Variants in EPHA4 observed in about 807,000 individuals in gnomAD.
The protein encoded by EPHA4 is ephrin type-A receptor 4.
In EPHA4, 19 loss-of-function variants were observed where a neutral mutation model predicts 108.3. The observed-to-expected ratio is 0.18, with a 90% confidence interval of 0.12 to 0.26. The LOEUF is 0.26. Among genes scored for constraint, EPHA4 ranks in the 10% least tolerant of loss-of-function variants. The pLI is 1.00. For missense variants in EPHA4, 917 were observed against 1,254.0 expected (o/e 0.73, Z 4.06); for synonymous variants, 449 against 455.5 (o/e 0.99, Z 0.18).
chr2:221,479,938 G>C (rs1691767393), intron 5 of EPHA4, among the ~76,000 whole-genome samples: 1 of 152,116 alleles, frequency 6.6e-6, no homozygotes. Flanking sequence ...TCCTTGGCAG[G>C]ACTACATGCC....
intron 3 of EPHA4, among the ~76,000 whole-genome samples, chr2:221,501,997 A>G (rs896691902): frequency 6.6e-6 from 1 of 152,066 alleles, no homozygotes; most frequent in Non-Finnish European, 1.5e-5. Context: ...CCTGCAATGC[A>G]CACACCTCCC....
intron 3 of EPHA4, among the ~76,000 whole-genome samples, chr2:221,514,015 TC>T (rs1692916417): frequency 6.6e-6 from 1 of 151,886 alleles, no homozygotes. Context: ...ACGATGATCT[TC>T]CTCTTAAAAG....
At chr2:221,480,439 C>T (rs1411093187) in intron 5 of EPHA4, among the ~76,000 whole-genome samples, 2 of 152,160 alleles carry the variant, frequency 1.3e-5, no homozygotes, top group African/African-American at 4.8e-5. Flanking sequence ...GTGCAGAAAT[C>T]GTTCTGCATT....
chr2:221,551,159 G>A (rs1291586690), intron 3 of EPHA4, among the ~76,000 whole-genome samples: 2 of 152,014 alleles, frequency 1.3e-5, no homozygotes, highest in Admixed American at 6.5e-5. Context: ...ATATATGATT[G>A]TTTGCAATGG....
intron 6 of EPHA4, 62 bp downstream of exon 6, chr2:221,457,804 G>T (rs1691006835): frequency 6.4e-7 from 1 of 1,574,278 alleles, no homozygotes; most frequent in African/African-American, 1.4e-5. Flanking sequence ...AAGGAAAGAA[G>T]AAAACAAAGA....
At chr2:221,501,853 A>C (rs916771926) in intron 3 of EPHA4, among the ~76,000 whole-genome samples, 2 of 152,208 alleles carry the variant, frequency 1.3e-5, no homozygotes, top group African/African-American at 4.8e-5. Context: ...GTGAAATAAC[A>C]AAAACTATCA....
intron 3 of EPHA4, among the ~76,000 whole-genome samples, chr2:221,512,505 GC>G (rs1428037015): frequency 6.6e-6 from 1 of 152,156 alleles, no homozygotes; most frequent in Non-Finnish European, 1.5e-5. Flanking sequence ...AGAGGATCAA[GC>G]TTTTTGATGA....
At chr2:221,455,426 T>C (rs773950848) in intron 8 of EPHA4, 121 bp downstream of exon 8, 3 of 726,110 alleles carry the variant, frequency 4.1e-6, no homozygotes, top group Non-Finnish European at 7.0e-6. Flanking sequence ...GGAGGAAACT[T>C]GGGATGCAGA....
rs561760006 is a variant in EPHA4 at position 221,455,876 on chromosome 2, C to G, written c.1604-218G>C. ...TTCAAAAGCCACTTCCTCCTTGTAC[C>G]CTTGCTGGATAATTTCAAAGGATGT... On this transcript the variant is annotated intron_variant, in intron 7 of 17. Coordinates refer to ENST00000281821, the MANE Select transcript of EPHA4 (RefSeq NM_004438.5). 1.4e-4 allele frequency among the ~76,000 whole-genome samples: 21 copies of G among 152,108 alleles called. 1 individual carries two copies. The South Asian group carries it at 4.2e-3, about 30-fold the overall frequency.
upstream of EPHA4, chr2:221,572,645 A>C (rs7582063): frequency 0.079 from 12,571 of 159,852 alleles, 1,677 homozygotes; most frequent in African/African-American, 0.28. Context: ...AAGAGGTTGG[A>C]AACCTTTTCT....
chr2:221,534,949 G>A (rs1323335833), intron 3 of EPHA4, among the ~76,000 whole-genome samples: 1 of 152,170 alleles, frequency 6.6e-6, no homozygotes, highest in Non-Finnish European at 1.5e-5. Context: ...GTGCTATACT[G>A]GCTAATTTCT....
intron 4 of EPHA4, among the ~76,000 whole-genome samples, chr2:221,496,689 C>A (rs959964726): frequency 6.6e-6 from 1 of 152,140 alleles, no homozygotes; most frequent in Non-Finnish European, 1.5e-5. Context: ...GGGTGGATCA[C>A]CTGAGGTCCG....
chr2:221,461,588 C>T (rs996465942), intron 5 of EPHA4, among the ~76,000 whole-genome samples: 43 of 152,122 alleles, frequency 2.8e-4, no homozygotes, highest in African/African-American at 9.7e-4. Context: ...TCTTCCTCAA[C>T]ATCAACTCGG....
intron 3 of EPHA4, among the ~76,000 whole-genome samples, chr2:221,540,467 A>G (rs1559285665): frequency 6.6e-6 from 1 of 152,170 alleles, no homozygotes; most frequent in Admixed American, 6.5e-5. Flanking sequence ...GTTTTGATCA[A>G]CTCATTTTTT....
chr2:221,453,433 G>C (rs371003663), intron 8 of EPHA4, among the ~76,000 whole-genome samples: 89 of 152,146 alleles, frequency 5.8e-4, no homozygotes, highest in African/African-American at 2.0e-3. Flanking sequence ...TACAGTTCCC[G>C]GTGGTTATAT....
intron 14 of EPHA4, among the ~76,000 whole-genome samples, chr2:221,432,536 C>A (rs1292767456): frequency 2.0e-5 from 3 of 152,176 alleles, no homozygotes; most frequent in Admixed American, 2.0e-4. Context: ...CTGTTATAAT[C>A]CACAGATAAT....
chr2:221,458,933 G>T (rs991694648), intron 5 of EPHA4, among the ~76,000 whole-genome samples: 1 of 152,144 alleles, frequency 6.6e-6, no homozygotes, highest in Non-Finnish European at 1.5e-5. Flanking sequence ...TAACTCCAAT[G>T]TATATATTCT....
rs1042032856 is a variant in EPHA4 at position 221,456,838 on chromosome 2, C to T, written c.1444-66G>A. On this transcript the variant is annotated intron_variant, in intron 6 of 17. Transcript: ENST00000281821. Reference sequence around the variant, plus strand: ...AAATCTCCTGCTTACTTACTAGGTGCAATATTAAAGGAGTCAAGCCAGTCA... The same window carrying T: ...AAATCTCCTGCTTACTTACTAGGTGTAATATTAAAGGAGTCAAGCCAGTCA... 4.3e-5 allele frequency: 68 copies of T among 1,580,052 alleles called. No homozygotes were observed. In the Admixed American group the frequency reaches 1.2e-3, roughly 27 times the overall value.
chr2:221,515,330 G>A (rs903727909), intron 3 of EPHA4, among the ~76,000 whole-genome samples: 2 of 152,104 alleles, frequency 1.3e-5, no homozygotes, highest in Non-Finnish European at 2.9e-5. Context: ...CCCAACCTCA[G>A]GTGATCTTCC....
Sources: allele counts gnomAD v4.1 joint callset (sites outside exome capture counted in the v4.1 genomes callset), GRCh38; gene constraint gnomAD v4.1.1; transcripts MANE v1.5; gene names NCBI Gene and HGNC (gene_info 2026-07-23, HGNC 2026-07-21).